LRRC37A2: variants seen among roughly 807,000 people sequenced by gnomAD.
LRRC37A2 encodes leucine rich repeat containing 37 member A2.
A neutral mutation model predicts 68.8 loss-of-function variants in LRRC37A2; 9 were observed. The ratio of observed to expected loss-of-function variants is 0.13; its 90% CI spans 0.08 to 0.23. LRRC37A2 has a LOEUF of 0.23. Ranked by LOEUF, LRRC37A2 falls within the 10% of genes least tolerant of loss-of-function variation. LRRC37A2 has a pLI of 1.00. For synonymous variants in LRRC37A2, 63 were observed against 367.6 expected, an observed-to-expected ratio of 0.17 and a Z score of 9.48; for missense variants, 168 against 950.4, an observed-to-expected ratio of 0.18 and a Z score of 10.82.
At chr17:46,495,288 G>A in the LRRC37A2 span, among the ~76,000 whole-genome samples, 2 of 145,256 alleles carry the variant, frequency 1.4e-5, no homozygotes, top group African/African-American at 5.5e-5. Context: ...GCCCAGGCTG[G>A]TCTTGAATTT....
chr17:46,771,374 G>C, the LRRC37A2 span, among the ~76,000 whole-genome samples: 2 of 151,816 alleles, frequency 1.3e-5, no homozygotes, highest in Non-Finnish European at 1.5e-5. Flanking sequence ...CCTCGGGGAA[G>C]AGGGGCCGAG....
At chr17:46,771,894 G>T in the LRRC37A2 span, among the ~76,000 whole-genome samples, 2 of 136,974 alleles carry the variant, frequency 1.5e-5, no homozygotes, top group Non-Finnish European at 3.2e-5. Context: ...CCCCGCCCCT[G>T]CCCCCGCCCC....
the LRRC37A2 span, among the ~76,000 whole-genome samples, chr17:46,679,112 A>G: frequency 2.0e-5 from 3 of 152,118 alleles, no homozygotes; most frequent in African/African-American, 7.3e-5. Context: ...TGGTAAAACT[A>G]TAAAGGAAAA....
the LRRC37A2 span, among the ~76,000 whole-genome samples, chr17:46,615,712 G>T: frequency 2.1e-5 from 1 of 47,006 alleles, no homozygotes. Flanking sequence ...GCCAGACCTT[G>T]CCTCACAAAA....
At chr17:46,759,892 GT>G in the LRRC37A2 span, among the ~76,000 whole-genome samples, 472 of 152,162 alleles carry the variant, frequency 3.1e-3, 5 homozygotes, top group African/African-American at 0.011. Flanking sequence ...ACGTCCTCTT[GT>G]GTTTAGACGT....
chr17:46,673,912 T>G, the LRRC37A2 span, among the ~76,000 whole-genome samples: 45 of 6,316 alleles, frequency 7.1e-3, 18 homozygotes, highest in Middle Eastern at 0.25. Flanking sequence ...TCCATGGGGG[T>G]GTGTGTGTGT....
At chr17:46,863,109 C>G in the LRRC37A2 span, among the ~76,000 whole-genome samples, 1 of 18,534 alleles carries the variant, frequency 5.4e-5, no homozygotes, top group African/African-American at 2.5e-4. Context: ...CAGTCGTGGG[C>G]TAGGGAGGGC....
At chr17:47,028,229 G>A in the LRRC37A2 span, 1 of 1,188,780 alleles carries the variant, frequency 8.4e-7, no homozygotes, top group Middle Eastern at 2.9e-4. Flanking sequence ...AATGATAAAT[G>A]TTCTGAAATA....
the LRRC37A2 span, chr17:46,757,326 T>G: frequency 6.5e-6 from 1 of 152,674 alleles, no homozygotes; most frequent in Admixed American, 6.5e-5. Context: ...TTCCTCCTCA[T>G]GAAAGCAGCA....
intron 6 of LRRC37A2, among the ~76,000 whole-genome samples, chr17:46,534,914 C>T (rs1376786930): frequency 6.7e-6 from 1 of 149,738 alleles, no homozygotes; most frequent in Non-Finnish European, 1.5e-5. Flanking sequence ...CGGAGGGGCT[C>T]CTCACTTCTC....
At chr17:46,775,611 T>TGTA in the LRRC37A2 span, among the ~76,000 whole-genome samples, 1 of 142,758 alleles carries the variant, frequency 7.0e-6, no homozygotes, top group African/African-American at 2.6e-5. Context: ...CAGAAGTTCT[T>TGTA]TTTTTTTTTT....
the LRRC37A2 span, among the ~76,000 whole-genome samples, chr17:46,609,802 A>C: frequency 7.0e-6 from 1 of 142,038 alleles, no homozygotes; most frequent in Non-Finnish European, 1.6e-5. Flanking sequence ...TAGATCTTCT[A>C]ATATTCTCGG....
At chr17:46,597,788 CTTTTTTTTTTT>C in the LRRC37A2 span, among the ~76,000 whole-genome samples, 4 of 44,170 alleles carry the variant, frequency 9.1e-5, no homozygotes, top group Admixed American at 3.0e-4. Flanking sequence ...TTGCAATACT[CTTTTTTTTTTT>C]TTTTTTTTTT....
the LRRC37A2 span, chr17:46,756,208 G>C: frequency 5.9e-6 from 1 of 169,960 alleles, no homozygotes; most frequent in Admixed American, 6.2e-5. Context: ...ACAGTTGGCC[G>C]ATTAGAAGGC....
At chr17:46,889,221 C>G in the LRRC37A2 span, among the ~76,000 whole-genome samples, 1 of 152,118 alleles carries the variant, frequency 6.6e-6, no homozygotes, top group African/African-American at 2.4e-5. Context: ...TTGACTATAT[C>G]TAGATGCAGG....
chr17:46,925,003 A>G, the LRRC37A2 span, among the ~76,000 whole-genome samples: 2 of 152,216 alleles, frequency 1.3e-5, no homozygotes, highest in African/African-American at 2.4e-5. Context: ...AGTGCAGCTA[A>G]TCACAGAGAA....
the LRRC37A2 span, among the ~76,000 whole-genome samples, chr17:46,951,674 C>A: frequency 6.6e-6 from 1 of 152,196 alleles, no homozygotes; most frequent in East Asian, 1.9e-4. Context: ...GCACAACCTC[C>A]CAGGCCAGGG....
At chr17:46,976,087 C>T in the LRRC37A2 span, among the ~76,000 whole-genome samples, 13 of 151,846 alleles carry the variant, frequency 8.6e-5, no homozygotes, top group East Asian at 1.2e-3. Context: ...TCACCACGCC[C>T]GGCTAATTTT....
At chr17:46,771,310 T>TC in the LRRC37A2 span, among the ~76,000 whole-genome samples, 1 of 151,798 alleles carries the variant, frequency 6.6e-6, no homozygotes, top group African/African-American at 2.4e-5. Context: ...GGCCTCGGGG[T>TC]CCCAGCCGCG....
Sources: gnomAD v4.1 joint callset for allele counts (sites outside exome capture counted in the v4.1 genomes callset) on GRCh38, gnomAD v4.1.1 for gene constraint, MANE v1.5 for transcripts, NCBI Gene and HGNC (gene_info 2026-07-23, HGNC 2026-07-21) for gene names.